Variants in ARMC12 observed in about 807,000 individuals in gnomAD.
ARMC12 encodes the protein armadillo repeat containing 12.
In ARMC12, 25 loss-of-function variants were observed where a neutral mutation model predicts 37.4. The observed-to-expected ratio is 0.67, with a 90% CI of 0.49 to 0.93. The LOEUF (loss-of-function observed/expected upper bound fraction) is 0.93. Ranked by LOEUF, ARMC12 falls within the 40% of genes least tolerant of loss-of-function variation. The pLI, the probability that ARMC12 is intolerant of heterozygous loss-of-function variation, is 0.00. For missense variants in ARMC12, 384 were observed against 426.6 expected, an observed-to-expected ratio of 0.90 and a Z score of 0.88; for synonymous variants, 167 against 176.1, an observed-to-expected ratio of 0.95 and a Z score of 0.41.
chr6:35,745,819 G>A (rs1383110099), intron 3 of ARMC12, among the ~76,000 whole-genome samples: 3 of 152,158 alleles, frequency 2.0e-5, no homozygotes, highest in Admixed American at 2.0e-4. Context: ...GCCGAAGTGG[G>A]CATATTACCT....
intron 3 of ARMC12, among the ~76,000 whole-genome samples, chr6:35,743,429 G>A (rs1167645264): frequency 3.3e-5 from 5 of 152,094 alleles, no homozygotes; most frequent in Non-Finnish European, 7.4e-5. Context: ...TGTTGGTCAG[G>A]CTGATCCTGA....
chr6:35,737,771 C>T (rs1406186772), intron 1 of ARMC12, among the ~76,000 whole-genome samples: 2 of 152,220 alleles, frequency 1.3e-5, no homozygotes, highest in African/African-American at 2.4e-5. Flanking sequence ...CTACTTGTTA[C>T]CGCCATATGC....
At chr6:35,738,265 C>A in intron 2 of ARMC12, 93 bp downstream of exon 2, 1 of 1,458,858 alleles carries the variant, frequency 6.9e-7, no homozygotes, top group South Asian at 1.2e-5. Context: ...TATCCTGGGA[C>A]CTCTCTCTGG....
chr6:35,738,410 C>G lies in ARMC12; in HGVS notation c.336C>G (p.Ile112Met), dbSNP rs770475835. The G allele has an allele frequency of 1.9e-6, 3 of 1,613,644 alleles. No homozygotes were observed. The highest frequency in any genetic ancestry group is 2.5e-6 in the Non-Finnish European group (3 of 1,179,950). The change falls in exon 3 of 6, where the codon ATC becomes ATG. Residue 112 changes from isoleucine to methionine, a missense_variant. Ile to Met is a conservative substitution (Grantham distance 10, BLOSUM62 1). Transcript: ENST00000373866. ...CCTCTGCTTGTACTACGGATGACAT[C>G]GTGTTGCTGGGCTACATGCTGGATG... Reference protein sequence around the residue: ...AEASACTTDDIVLLGYMLDDK... With the variant: ...AEASACTTDDMVLLGYMLDDK...
chr6:35,747,323 G>A lies in ARMC12; in HGVS notation c.507G>A (p.Ala169=), dbSNP rs993670660. ...TCTGGGACACGGAACTGCACATTGC[G>A]GGCCTCAGACTCCTCAACAACCTTC... ...STIWDTELHI[A]GLRLLNNLPL... Residue 169 remains alanine (A), a synonymous_variant, in exon 4 of 6, where the codon GCG becomes GCA. Transcript: ENST00000373866. 1.1e-5 allele frequency: 17 copies of A among 1,613,820 alleles called. No homozygotes were observed. The highest frequency in any genetic ancestry group is 4.4e-5 in the South Asian group (4 of 91,084).
chr6:35,746,746 C>G (rs1767348194), intron 3 of ARMC12, among the ~76,000 whole-genome samples: 1 of 151,956 alleles, frequency 6.6e-6, no homozygotes, highest in Admixed American at 6.6e-5. Flanking sequence ...CAGTTTTTGG[C>G]CCGAGCCACT....
rs138085272 is a variant in ARMC12 at position 35,738,124 on chromosome 6, C to G, written c.261C>G (p.Ser87Arg). ...GCAAACAGGATGAGTATGCCAAGAG[C>G]ATGATCCTGCACAGTATCACTCGCT... ...LECKQDEYAK[S>R]MILHSITRCV... The change falls in exon 2 of 6, where the codon AGC (serine) becomes AGG (arginine). Residue 87 changes from serine (S) to arginine (R), a missense_variant. By Grantham distance (110) the Ser-to-Arg change is moderately radical (BLOSUM62 -1). Coordinates refer to ENST00000373866, the MANE Select transcript of ARMC12 (RefSeq NM_001286574.2). 52 of 1,614,040 alleles carry G rather than the reference C, an allele frequency of 3.2e-5. No individual in the cohort carries two copies. Among genetic ancestry groups the G allele is most frequent in the African/African-American group, 2.3e-4 (17 of 75,048 alleles).
upstream of ARMC12, among the ~76,000 whole-genome samples, chr6:35,736,405 T>G (rs1170813535): frequency 6.6e-6 from 1 of 152,178 alleles, no homozygotes. Context: ...TCAATGGGCA[T>G]ACCCCAAACA....
chr6:35,746,578 GA>G (rs1767343606), intron 3 of ARMC12, among the ~76,000 whole-genome samples: 1 of 152,130 alleles, frequency 6.6e-6, no homozygotes, highest in Non-Finnish European at 1.5e-5. Flanking sequence ...GGCTATTGCA[GA>G]AATCCCGGTG....
At position 35,748,658 on chromosome 6, in the gene ARMC12, A is replaced by G; in HGVS notation, c.811A>G (p.Lys271Glu). ...GAACGCACCCCACTACCACGTGGTG[A>G]AATGGCATTACAACGAACAGTCCCT... ...GRNAPHYHVV[K>E]WHYNEQSLHE... Residue 271 changes from lysine (K) to glutamate (E), a missense_variant, in exon 6 of 6, where the codon AAA becomes GAA. Coordinates refer to ENST00000373866, the MANE Select transcript of ARMC12 (RefSeq NM_001286574.2). 1.2e-6 allele frequency: 2 copies of G among 1,614,118 alleles called. No individual in the cohort carries two copies. Among genetic ancestry groups the G allele is most frequent in the Non-Finnish European group, 1.7e-6 (2 of 1,179,974 alleles).
At chr6:35,734,810 G>GAA (rs796799553), upstream of ARMC12, among the ~76,000 whole-genome samples, 1 of 129,402 alleles carries the variant, frequency 7.7e-6, no homozygotes, top group Non-Finnish European at 1.7e-5. Flanking sequence ...TCAAAAAAAA[G>GAA]AAAAAAAAAA....
At chr6:35,738,908 C>T (rs1461218032) in intron 3 of ARMC12, among the ~76,000 whole-genome samples, 5 of 152,166 alleles carry the variant, frequency 3.3e-5, no homozygotes, top group South Asian at 2.1e-4. Flanking sequence ...GACTTCCCCC[C>T]GACTTCAGGT....
At chr6:35,739,711 C>T (rs991852293) in intron 3 of ARMC12, among the ~76,000 whole-genome samples, 2 of 152,204 alleles carry the variant, frequency 1.3e-5, no homozygotes, top group East Asian at 3.8e-4. Context: ...TAACATTTAA[C>T]TTAACCACGC....
intron 3 of ARMC12, among the ~76,000 whole-genome samples, chr6:35,740,116 T>C (rs1767121375): frequency 6.6e-6 from 1 of 152,184 alleles, no homozygotes; most frequent in Non-Finnish European, 1.5e-5. Context: ...GGGACAAAGA[T>C]CAGATGTATT....
At chr6:35,746,025 A>C (rs1338212671) in intron 3 of ARMC12, among the ~76,000 whole-genome samples, 1 of 152,000 alleles carries the variant, frequency 6.6e-6, no homozygotes, top group Non-Finnish European at 1.5e-5. Flanking sequence ...CAGCCTGGGC[A>C]ACAGAGTGAG....
chr6:35,738,410 C>T lies in ARMC12; in HGVS notation c.336C>T (p.Ile112=), dbSNP rs770475835. The change falls in exon 3 of 6, where the codon ATC becomes ATT. Residue 112 remains isoleucine (I), a synonymous_variant. Coordinates refer to ENST00000373866, the MANE Select transcript of ARMC12 (RefSeq NM_001286574.2). ...AEASACTTDD[I]VLLGYMLDDK... ...CCTCTGCTTGTACTACGGATGACATCGTGTTGCTGGGCTACATGCTGGATG... is the reference window on the plus strand; with the variant it reads ...CCTCTGCTTGTACTACGGATGACATTGTGTTGCTGGGCTACATGCTGGATG... The T allele has an allele frequency of 3.8e-5, 61 of 1,613,644 alleles. No homozygotes were observed. In the East Asian group the frequency reaches 9.4e-4, roughly 25 times the overall value.
At chr6:35,741,311 A>T (rs115029868) in intron 3 of ARMC12, among the ~76,000 whole-genome samples, 222 of 152,234 alleles carry the variant, frequency 1.5e-3, no homozygotes, top group African/African-American at 5.1e-3. Context: ...GTTTGGTCAA[A>T]GGGTATGCCC....
At chr6:35,737,910 G>A in intron 1 of ARMC12, 117 bp from the exon 2 acceptor site, 1 of 1,431,334 alleles carries the variant, frequency 7.0e-7, no homozygotes, top group Non-Finnish European at 9.7e-7. Flanking sequence ...ATGGCGAGAA[G>A]GCTTCTCCGA....
At chr6:35,743,307 C>G (rs1180430584) in intron 3 of ARMC12, among the ~76,000 whole-genome samples, 1 of 151,992 alleles carries the variant, frequency 6.6e-6, no homozygotes, top group Non-Finnish European at 1.5e-5. Context: ...ACCTCCGCCT[C>G]CCGGGTTCAA....
Sources: allele counts gnomAD v4.1 joint callset (sites outside exome capture counted in the v4.1 genomes callset), GRCh38; gene constraint gnomAD v4.1.1; transcripts MANE v1.5; gene names NCBI Gene and HGNC (gene_info 2026-07-23, HGNC 2026-07-21).